DLGAP2: variants seen among roughly 807,000 people sequenced by gnomAD.
The protein encoded by DLGAP2 is DLG associated protein 2.
DLGAP2 carries 26 observed loss-of-function variants against 100.3 expected under a neutral mutation model. The observed-to-expected ratio is 0.26, with a 90% CI of 0.19 to 0.36. DLGAP2 has a LOEUF of 0.36. Ranked by LOEUF, DLGAP2 falls within the 10% of genes least tolerant of loss-of-function variation. The pLI, the probability that DLGAP2 is intolerant of heterozygous loss-of-function variation, is 1.00. For synonymous variants in DLGAP2, 886 were observed against 630.1 expected (o/e 1.41, Z -6.08); for missense variants, 1,858 against 1,453.2 (o/e 1.28, Z -4.53).
chr8:842,529 G>T (rs1366503083), intron 1 of DLGAP2, among the ~76,000 whole-genome samples: 2 of 152,144 alleles, frequency 1.3e-5, no homozygotes, highest in Admixed American at 1.3e-4. Flanking sequence ...TGCCTTGGTG[G>T]TCATCGTTCT....
chr8:798,354 A>T (rs1490893745), intron 1 of DLGAP2, among the ~76,000 whole-genome samples: 1 of 145,012 alleles, frequency 6.9e-6, no homozygotes, highest in Non-Finnish European at 1.5e-5. Context: ...TTGAGTCAGG[A>T]CCTGCAGCCC....
intron 2 of DLGAP2, among the ~76,000 whole-genome samples, chr8:1,033,599 C>T (rs945645450): frequency 1.3e-5 from 2 of 152,146 alleles, no homozygotes; most frequent in African/African-American, 2.4e-5. Context: ...GCCTAGGATG[C>T]GGAGGTTGCA....
intron 3 of DLGAP2, among the ~76,000 whole-genome samples, chr8:1,310,192 A>C (rs1563075273): frequency 6.6e-6 from 1 of 152,174 alleles, no homozygotes; most frequent in Non-Finnish European, 1.5e-5. Context: ...TATATACGCA[A>C]CAGGAAATAA....
At chr8:1,201,660 G>C (rs999708046) in intron 2 of DLGAP2, among the ~76,000 whole-genome samples, 4 of 152,212 alleles carry the variant, frequency 2.6e-5, no homozygotes, top group African/African-American at 9.7e-5. Flanking sequence ...TTCAGTGCCT[G>C]TTTGTCAGAT....
chr8:1,556,463 C>T (rs1037250358), intron 5 of DLGAP2, among the ~76,000 whole-genome samples: 2 of 152,148 alleles, frequency 1.3e-5, no homozygotes, highest in African/African-American at 2.4e-5. Context: ...GGGCGGAGTC[C>T]GGCTCTGTTC....
At chr8:1,641,495 T>C (rs1450610989) in intron 8 of DLGAP2, among the ~76,000 whole-genome samples, 3 of 152,198 alleles carry the variant, frequency 2.0e-5, no homozygotes, top group African/African-American at 7.2e-5. Flanking sequence ...TGAACTTGTC[T>C]AGACGAATTA....
At chr8:906,586 G>A (rs922531886) in intron 1 of DLGAP2, among the ~76,000 whole-genome samples, 8 of 152,210 alleles carry the variant, frequency 5.3e-5, no homozygotes, top group Non-Finnish European at 7.3e-5. Context: ...GAGCTCATCA[G>A]GGAAACAGTG....
At chr8:1,302,011 A>G (rs1800355598) in intron 3 of DLGAP2, 3 of 152,296 alleles carry the variant, frequency 2.0e-5, no homozygotes, top group Admixed American at 2.0e-4. Flanking sequence ...ATGAATTACT[A>G]ACAACTAGGC....
chr8:1,251,846 A>G (rs762031718), intron 2 of DLGAP2, among the ~76,000 whole-genome samples: 1 of 152,186 alleles, frequency 6.6e-6, no homozygotes, highest in African/African-American at 2.4e-5. Context: ...GGCGTGTTGC[A>G]TATTCTCGCA....
At chr8:1,361,395 C>G (rs1225818020) in intron 3 of DLGAP2, among the ~76,000 whole-genome samples, 1 of 152,188 alleles carries the variant, frequency 6.6e-6, no homozygotes, top group African/African-American at 2.4e-5. Context: ...GTGCTTTATA[C>G]AAATAAAAAC....
At chr8:1,366,870 T>G (rs1368065056) in intron 3 of DLGAP2, among the ~76,000 whole-genome samples, 1 of 152,134 alleles carries the variant, frequency 6.6e-6, no homozygotes, top group East Asian at 1.9e-4. Context: ...AATAACAGTG[T>G]TAACATTTAC....
At chr8:997,560 T>C (rs1800816600) in intron 2 of DLGAP2, among the ~76,000 whole-genome samples, 1 of 152,202 alleles carries the variant, frequency 6.6e-6, no homozygotes, top group Admixed American at 6.5e-5. Context: ...TGATACTCTG[T>C]GGTATTTTAA....
intron 8 of DLGAP2, among the ~76,000 whole-genome samples, chr8:1,666,182 C>T (rs1330350358): frequency 2.0e-5 from 3 of 152,138 alleles, no homozygotes; most frequent in Non-Finnish European, 4.4e-5. Context: ...TGAATCTTGT[C>T]AGTTTTCAAT....
intron 7 of DLGAP2, among the ~76,000 whole-genome samples, chr8:1,630,659 G>A (rs1048561524): frequency 6.0e-5 from 9 of 151,072 alleles, no homozygotes; most frequent in African/African-American, 7.3e-5. Flanking sequence ...CCGAGATCAC[G>A]CCACTGCACT....
At chr8:1,219,696 C>G (rs1026315711) in intron 2 of DLGAP2, among the ~76,000 whole-genome samples, 1 of 152,052 alleles carries the variant, frequency 6.6e-6, no homozygotes, top group Non-Finnish European at 1.5e-5. Context: ...TTTGTACCAG[C>G]TCTTTCTTTT....
chr8:959,020 A>G (rs551502807), intron 2 of DLGAP2, among the ~76,000 whole-genome samples: 2 of 152,340 alleles, frequency 1.3e-5, no homozygotes, highest in Non-Finnish European at 2.9e-5. Context: ...ATACAATCCA[A>G]ATTCAGTGAG....
chr8:1,646,517 G>C (rs920599383), intron 8 of DLGAP2, among the ~76,000 whole-genome samples: 1 of 152,004 alleles, frequency 6.6e-6, no homozygotes, highest in African/African-American at 2.4e-5. Flanking sequence ...ACCCTTAAAG[G>C]GTATTTTTTC....
intron 6 of DLGAP2, among the ~76,000 whole-genome samples, chr8:1,569,297 C>T (rs947296562): frequency 6.6e-5 from 10 of 152,280 alleles, no homozygotes; most frequent in Non-Finnish European, 1.0e-4. Context: ...AAATGTCAGG[C>T]ATTCTGCCAA....
chr8:1,587,457 C>G (rs921766504), intron 6 of DLGAP2, among the ~76,000 whole-genome samples: 1 of 152,040 alleles, frequency 6.6e-6, no homozygotes, highest in African/African-American at 2.4e-5. Context: ...CTTTTGTTTT[C>G]TTAGACCTAT....
Sources: gnomAD v4.1 joint callset for allele counts (sites outside exome capture counted in the v4.1 genomes callset) on GRCh38, gnomAD v4.1.1 for gene constraint, MANE v1.5 for transcripts, NCBI Gene and HGNC (gene_info 2026-07-23, HGNC 2026-07-21) for gene names.